Variants in BCHE observed in about 807,000 individuals in gnomAD.
The protein encoded by BCHE is cholinesterase.
Under a neutral mutation model 51.3 loss-of-function variants are expected in BCHE, and 48 were observed. The observed-to-expected ratio is 0.94, with a 90% CI of 0.74 to 1.19. BCHE has a LOEUF of 1.19. BCHE is among the 50% of genes most tolerant of loss of function. The pLI, the probability that BCHE is intolerant of heterozygous loss-of-function variation, is 0.00. For missense variants in BCHE, 847 were observed against 708.2 expected, an observed-to-expected ratio of 1.20 and a Z score of -2.23; for synonymous variants, 251 against 238.0, an observed-to-expected ratio of 1.05 and a Z score of -0.50.
At chr3:165,808,834 A>G (rs1349301763) in intron 2 of BCHE, among the ~76,000 whole-genome samples, 1 of 152,176 alleles carries the variant, frequency 6.6e-6, no homozygotes, top group Non-Finnish European at 1.5e-5. Flanking sequence ...CTAATTTTGA[A>G]TCACATCTAG....
intron 3 of BCHE, chr3:165,778,608 T>C: frequency 2.4e-6 from 1 of 425,034 alleles, no homozygotes; most frequent in Non-Finnish European, 4.9e-6. Context: ...AGGTATCTTC[T>C]CTTCTTAAAA....
At chr3:165,827,850 A>G (rs983887762) in intron 2 of BCHE, 5 of 299,772 alleles carry the variant, frequency 1.7e-5, no homozygotes, top group African/African-American at 1.1e-4. Flanking sequence ...TTGAGAAGGA[A>G]TAAAATATTT....
intron 2 of BCHE, among the ~76,000 whole-genome samples, chr3:165,789,292 A>C (rs1713080180): frequency 1.0e-5 from 1 of 100,082 alleles, no homozygotes; most frequent in African/African-American, 3.8e-5. Flanking sequence ...CTAACTTAAC[A>C]ACAAAAAAAA....
At chr3:165,787,596 C>T (rs1462348819) in intron 2 of BCHE, among the ~76,000 whole-genome samples, 7 of 151,726 alleles carry the variant, frequency 4.6e-5, no homozygotes, top group Non-Finnish European at 7.4e-5. Flanking sequence ...AAAGGAAAGT[C>T]GGGAAAGCTA....
intron 3 of BCHE, among the ~76,000 whole-genome samples, chr3:165,774,623 C>T (rs904678834): frequency 2.0e-5 from 3 of 152,096 alleles, no homozygotes; most frequent in Admixed American, 6.6e-5. Flanking sequence ...TAGTCATGAA[C>T]CACCATCCCT....
intron 1 of BCHE, among the ~76,000 whole-genome samples, chr3:165,832,673 C>T (rs1296970508): frequency 1.3e-5 from 2 of 152,092 alleles, no homozygotes; most frequent in African/African-American, 2.4e-5. Context: ...AACAAAGATC[C>T]ATTAATGTAC....
intron 2 of BCHE, among the ~76,000 whole-genome samples, chr3:165,823,267 G>T (rs900512232): frequency 6.6e-6 from 1 of 151,960 alleles, no homozygotes. Context: ...GTATCTCTTT[G>T]ATAATTTATA....
intron 3 of BCHE, among the ~76,000 whole-genome samples, chr3:165,780,580 C>A (rs775711189): frequency 6.6e-6 from 1 of 151,902 alleles, no homozygotes; most frequent in Non-Finnish European, 1.5e-5. Context: ...AGCAAACAAC[C>A]CCATCAAAAA....
At chr3:165,795,014 G>T (rs555073283) in intron 2 of BCHE, among the ~76,000 whole-genome samples, 1 of 151,906 alleles carries the variant, frequency 6.6e-6, no homozygotes, top group Non-Finnish European at 1.5e-5. Context: ...TGAAAAAAAT[G>T]GTTTTTGCAG....
chr3:165,799,679 T>A (rs1363008540), intron 2 of BCHE, among the ~76,000 whole-genome samples: 2 of 152,124 alleles, frequency 1.3e-5, no homozygotes, highest in Non-Finnish European at 2.9e-5. Context: ...TAAATCATGC[T>A]TAATGAATTT....
In BCHE at chr3:165,830,267, T is replaced by A; in HGVS notation, c.767A>T (p.Asn256Ile). 1 of 1,614,020 alleles carries A rather than the reference T, an allele frequency of 6.2e-7. No individual in the cohort carries two copies. The highest frequency in any genetic ancestry group is 1.1e-5 in the South Asian group (1 of 91,084). The change falls in exon 2 of 4, where the codon AAT becomes ATT. Residue 256 changes from asparagine (N) to isoleucine (I), a missense_variant. Coordinates refer to ENST00000264381, the MANE Select transcript of BCHE (RefSeq NM_000055.4). ...TRAILQSGSF[N>I]APWAVTSLYE... Reference sequence around the variant, plus strand: ...AAGAGATGTTACCGCCCAAGGAGCATTAAAGGATCCACTTTGCAGAATGGC... The same window carrying A: ...AAGAGATGTTACCGCCCAAGGAGCAATAAAGGATCCACTTTGCAGAATGGC...
intron 2 of BCHE, among the ~76,000 whole-genome samples, chr3:165,828,746 T>G (rs541420245): frequency 6.6e-6 from 1 of 152,180 alleles, no homozygotes; most frequent in Non-Finnish European, 1.5e-5. Context: ...AAAAAACTAC[T>G]TTATTTTCTA....
intron 2 of BCHE, among the ~76,000 whole-genome samples, chr3:165,812,623 A>C (rs2108222792): frequency 6.6e-6 from 1 of 151,500 alleles, no homozygotes; most frequent in African/African-American, 2.4e-5. Context: ...TAGAAAAATA[A>C]AAAAAAGAAT....
In BCHE at chr3:165,773,304, G is replaced by C; in HGVS notation, c.*78C>G. ...TTTCAGCTACATAATAACTTTTTTA[G>C]TAGGTGTGTAAAAAAGCTCCTGATA... is the stretch of plus-strand genomic sequence containing the variant. On this transcript the variant is annotated 3_prime_UTR_variant, in exon 4 of 4. Transcript: ENST00000264381. The C allele has an allele frequency of 1.5e-6, 2 of 1,356,538 alleles. No homozygotes were observed. Among genetic ancestry groups the C allele is most frequent in the Non-Finnish European group, 2.1e-6 (2 of 972,262 alleles). 84.0% of individuals were successfully genotyped at this position (1,356,538 alleles called of 1,614,324 possible). A position where few individuals can be genotyped will look rare whatever the true frequency, so the allele number is the denominator to read the frequency against.
chr3:165,824,725 A>G (rs564163331), intron 2 of BCHE, among the ~76,000 whole-genome samples: 1 of 152,070 alleles, frequency 6.6e-6, no homozygotes, highest in Non-Finnish European at 1.5e-5. Context: ...GTGTATATTT[A>G]GATACTAGCA....
intron 3 of BCHE, among the ~76,000 whole-genome samples, chr3:165,776,470 A>AT (rs1274606884): frequency 6.6e-6 from 1 of 152,050 alleles, no homozygotes; most frequent in Non-Finnish European, 1.5e-5. Flanking sequence ...AAGTGTAAAT[A>AT]TTTTTTATGA....
At chr3:165,834,634 A>G (rs1389176113) in intron 1 of BCHE, among the ~76,000 whole-genome samples, 1 of 152,054 alleles carries the variant, frequency 6.6e-6, no homozygotes. Flanking sequence ...TAGTTTTGCC[A>G]TTAAAAGACT....
At chr3:165,796,274 C>T (rs190716206) in intron 2 of BCHE, among the ~76,000 whole-genome samples, 117 of 152,258 alleles carry the variant, frequency 7.7e-4, no homozygotes, top group African/African-American at 2.7e-3. Flanking sequence ...TATAGCTTGA[C>T]ATCTGTTATC....
intron 1 of BCHE, among the ~76,000 whole-genome samples, chr3:165,833,938 A>G (rs1308609141): frequency 2.0e-5 from 3 of 152,054 alleles, no homozygotes; most frequent in African/African-American, 7.2e-5. Context: ...AGCTCAGTCA[A>G]TGTTCTTCTA....
Sources: gnomAD v4.1 joint callset for allele counts (sites outside exome capture counted in the v4.1 genomes callset) on GRCh38, gnomAD v4.1.1 for gene constraint, MANE v1.5 for transcripts, NCBI Gene and HGNC (gene_info 2026-07-23, HGNC 2026-07-21) for gene names.